Variants in SYT1 observed in about 807,000 individuals in gnomAD.
SYT1 encodes synaptotagmin 1.
In SYT1, 8 loss-of-function variants were observed where a neutral mutation model predicts 44.8. The ratio of observed to expected loss-of-function variants is 0.18; its 90% CI spans 0.10 to 0.32. The LOEUF (loss-of-function observed/expected upper bound fraction) is 0.32, where lower values mean the gene tolerates loss of function less well. Ranked by LOEUF, SYT1 falls within the 10% of genes least tolerant of loss-of-function variation. The probability of loss-of-function intolerance (pLI) is 1.00; values close to 1 mark genes in which losing one functional copy is unlikely to be tolerated. For missense variants in SYT1, 286 were observed against 509.3 expected, an observed-to-expected ratio of 0.56 and a Z score of 4.22; for synonymous variants, 154 against 188.8, an observed-to-expected ratio of 0.82 and a Z score of 1.51.
chr12:79,019,511 G>C (rs1277554374), intron 2 of SYT1, among the ~76,000 whole-genome samples: 1 of 151,868 alleles, frequency 6.6e-6, no homozygotes, highest in Non-Finnish European at 1.5e-5. Flanking sequence ...TTATATTTCA[G>C]AGTGCCTACC....
chr12:79,364,447 G>A (rs1368529392), intron 9 of SYT1, among the ~76,000 whole-genome samples: 3 of 152,088 alleles, frequency 2.0e-5, no homozygotes, highest in African/African-American at 4.8e-5. Context: ...CTTGTCCACT[G>A]TTTTAAAGAC....
intron 2 of SYT1, among the ~76,000 whole-genome samples, chr12:79,027,218 T>C (rs1872589914): frequency 6.6e-6 from 1 of 151,588 alleles, no homozygotes; most frequent in Non-Finnish European, 1.5e-5. Flanking sequence ...CTCTGGTTTC[T>C]GCTGAAATAT....
intron 3 of SYT1, among the ~76,000 whole-genome samples, chr12:79,123,196 T>G (rs1868307962): frequency 9.1e-6 from 1 of 109,578 alleles, no homozygotes; most frequent in Non-Finnish European, 1.9e-5. Context: ...AGAACCTACC[T>G]AAGTGCCCAT....
chr12:79,046,224 C>T (rs541463337), intron 2 of SYT1: 3 of 152,198 alleles, frequency 2.0e-5, no homozygotes, highest in East Asian at 1.9e-4. Context: ...TTGGAAATAC[C>T]GCTGTCACTT....
intron 3 of SYT1, among the ~76,000 whole-genome samples, chr12:79,151,292 C>T (rs981915978): frequency 6.6e-6 from 1 of 152,074 alleles, no homozygotes; most frequent in Admixed American, 6.6e-5. Flanking sequence ...TATAAAGTTC[C>T]ATATTTACTA....
intron 2 of SYT1, among the ~76,000 whole-genome samples, chr12:79,040,161 T>C (rs1374432265): frequency 6.6e-6 from 1 of 151,970 alleles, no homozygotes; most frequent in East Asian, 1.9e-4. Flanking sequence ...CTGGGTCAAA[T>C]GGTATTTCTA....
chr12:79,309,243 GC>G (rs1426667543), intron 8 of SYT1, among the ~76,000 whole-genome samples: 1 of 152,182 alleles, frequency 6.6e-6, no homozygotes, highest in African/African-American at 2.4e-5. Context: ...CTTTGGCCAG[GC>G]GCCAAACAGT....
intron 3 of SYT1, among the ~76,000 whole-genome samples, chr12:79,101,809 G>A (rs553501353): frequency 6.6e-6 from 1 of 152,224 alleles, no homozygotes; most frequent in South Asian, 2.1e-4. Flanking sequence ...CGAGGGCTGA[G>A]GCCAGAGGAT....
At chr12:79,376,028 A>C (rs867471903) in intron 9 of SYT1, among the ~76,000 whole-genome samples, 1 of 152,218 alleles carries the variant, frequency 6.6e-6, no homozygotes, top group African/African-American at 2.4e-5. Context: ...TATCTTATCC[A>C]TAATGTTTAT....
intron 9 of SYT1, among the ~76,000 whole-genome samples, chr12:79,397,457 G>A (rs956422516): frequency 3.3e-5 from 5 of 152,056 alleles, no homozygotes; most frequent in Middle Eastern, 3.2e-3. Flanking sequence ...TCGAACTCCC[G>A]GCTCACGTGA....
intron 4 of SYT1, among the ~76,000 whole-genome samples, chr12:79,224,794 TTAG>T (rs1184030629): frequency 6.8e-6 from 1 of 147,134 alleles, no homozygotes; most frequent in Non-Finnish European, 1.5e-5. Flanking sequence ...ATTATTATTA[TTAG>T]AGACAGAGTT....
intron 2 of SYT1, among the ~76,000 whole-genome samples, chr12:79,009,153 G>T (rs1395162218): frequency 6.6e-6 from 1 of 152,064 alleles, no homozygotes; most frequent in African/African-American, 2.4e-5. Flanking sequence ...TGGCTGTTAT[G>T]AAATACAAAA....
chr12:79,296,740 T>G (rs1403754605), intron 7 of SYT1, among the ~76,000 whole-genome samples: 2 of 152,184 alleles, frequency 1.3e-5, no homozygotes, highest in Non-Finnish European at 2.9e-5. Context: ...TATTTTTTAT[T>G]GCATTTCTAG....
At chr12:79,358,182 T>C (rs1883185349) in intron 9 of SYT1, among the ~76,000 whole-genome samples, 1 of 152,174 alleles carries the variant, frequency 6.6e-6, no homozygotes, top group Non-Finnish European at 1.5e-5. Context: ...AGTTTAGGCT[T>C]TCTGTTGTAA....
intron 4 of SYT1, among the ~76,000 whole-genome samples, chr12:79,283,731 T>A (rs911328486): frequency 6.6e-6 from 1 of 152,146 alleles, no homozygotes; most frequent in Non-Finnish European, 1.5e-5. Context: ...ATTTACTTTT[T>A]ATGTAATCTT....
At chr12:79,391,926 G>A (rs1884671465) in intron 9 of SYT1, among the ~76,000 whole-genome samples, 1 of 150,824 alleles carries the variant, frequency 6.6e-6, no homozygotes, top group African/African-American at 2.4e-5. Flanking sequence ...TTTGCAAGAT[G>A]TGTGTCAAAT....
intron 3 of SYT1, among the ~76,000 whole-genome samples, chr12:79,088,018 GC>G (rs935465384): frequency 6.6e-6 from 1 of 152,020 alleles, no homozygotes; most frequent in Non-Finnish European, 1.5e-5. Flanking sequence ...TTTATTGAGT[GC>G]CTACTGCCTC....
intron 1 of SYT1, among the ~76,000 whole-genome samples, chr12:78,945,181 T>C (rs1202700467): frequency 3.9e-5 from 6 of 152,134 alleles, no homozygotes; most frequent in Non-Finnish European, 1.5e-5. Context: ...ATTCAGCTGT[T>C]TTTTTGTTTC....
At chr12:79,065,846 A>G (rs928171787) in intron 3 of SYT1, among the ~76,000 whole-genome samples, 3 of 152,116 alleles carry the variant, frequency 2.0e-5, no homozygotes, top group Non-Finnish European at 4.4e-5. Flanking sequence ...TCTTTTCACT[A>G]TCTTATAGCT....
Sources: allele counts gnomAD v4.1 joint callset (sites outside exome capture counted in the v4.1 genomes callset), GRCh38; gene constraint gnomAD v4.1.1; transcripts MANE v1.5; gene names NCBI Gene and HGNC (gene_info 2026-07-23, HGNC 2026-07-21).